The following PARD3 variants were observed in gnomAD, a reference collection of about 807,000 sequenced individuals.
PARD3 encodes partitioning defective 3 homolog.
PARD3 carries 75 observed loss-of-function variants against 155.4 expected under a neutral mutation model. The observed-to-expected ratio is 0.48, with a 90% CI of 0.40 to 0.58. The LOEUF (loss-of-function observed/expected upper bound fraction) is 0.58, where lower values mean the gene tolerates loss of function less well. PARD3 is among the 20% of genes least tolerant of loss of function. The pLI is 0.00. For synonymous variants in PARD3, 576 were observed against 610.5 expected (o/e 0.94, Z 0.83); for missense variants, 1,642 against 1,721.7 (o/e 0.95, Z 0.82).
rs866186622 is a variant in PARD3 at position 34,111,206 on chromosome 10, A to G, written c.4025T>C (p.Leu1342Pro). 5 of 1,592,088 alleles carry G rather than the reference A, an allele frequency of 3.1e-6. No homozygotes were observed. The highest frequency in any genetic ancestry group is 3.4e-4 in the Middle Eastern group (2 of 5,956). ...SPSQVARLNR[L>P]QTPEKGRPFY... ...GGGCCTCCCTTTCTCAGGAGTCTGAAGTCTGTTCAGCCTCGCAACCTGAGA... is the reference window on the plus strand; with the variant it reads ...GGGCCTCCCTTTCTCAGGAGTCTGAGGTCTGTTCAGCCTCGCAACCTGAGA... Residue 1342 changes from leucine (L) to proline (P), a missense_variant, in exon 25 of 25, where the codon CTT (leucine) becomes CCT (proline). This residue lies in a region of PARD3 where 1,529 missense variants were observed against 1,587.3 expected (regional missense o/e 0.96). Coordinates refer to ENST00000374788, the MANE Select transcript of PARD3 (RefSeq NM_001184785.2).
chr10:34,810,389 G>A (rs1401012183), intron 1 of PARD3, among the ~76,000 whole-genome samples: 1 of 152,010 alleles, frequency 6.6e-6, no homozygotes, highest in Non-Finnish European at 1.5e-5. Flanking sequence ...AAATACTTGT[G>A]TGGTCCCAAG....
intron 22 of PARD3, among the ~76,000 whole-genome samples, chr10:34,237,331 C>T (rs1368769541): frequency 6.6e-6 from 1 of 152,126 alleles, no homozygotes; most frequent in African/African-American, 2.4e-5. Context: ...CACATGGAGA[C>T]AAAGTGTTTG....
chr10:34,197,075 T>C (rs777076664), intron 22 of PARD3, among the ~76,000 whole-genome samples: 7 of 152,168 alleles, frequency 4.6e-5, no homozygotes, highest in Non-Finnish European at 8.8e-5. Context: ...ACACGAGCAA[T>C]GTTCAGCTCA....
intron 2 of PARD3, among the ~76,000 whole-genome samples, chr10:34,590,705 T>C (rs1375939053): frequency 2.0e-5 from 3 of 152,158 alleles, no homozygotes; most frequent in Non-Finnish European, 1.5e-5. Context: ...CTTCCTGGTG[T>C]ATAAAGAATC....
intron 22 of PARD3, among the ~76,000 whole-genome samples, chr10:34,182,139 G>C (rs1292727952): frequency 6.6e-6 from 1 of 152,172 alleles, no homozygotes; most frequent in Non-Finnish European, 1.5e-5. Context: ...TGCTTGTCTT[G>C]CTGGGAGGAG....
In PARD3 at chr10:34,764,878, T is replaced by C. The variant is rs78914102; in HGVS notation, c.120+49998A>G. Among the ~76,000 whole-genome samples, 445 of 152,300 alleles carry C rather than the reference T, an allele frequency of 2.9e-3. 1 individual carries two copies. Among genetic ancestry groups the C allele is most frequent in the African/African-American group, 0.01 (430 of 41,564 alleles). ...TTAGCCCAGCACACAGTGCTCAAAG[T>C]ACTGTTAAGATGAAAACATTTATCT... On this transcript the variant is annotated intron_variant, in intron 1 of 24. Coordinates refer to ENST00000374788, the MANE Select transcript of PARD3 (RefSeq NM_001184785.2).
At chr10:34,606,215 T>C (rs1013535022) in intron 2 of PARD3, among the ~76,000 whole-genome samples, 3 of 142,166 alleles carry the variant, frequency 2.1e-5, no homozygotes, top group African/African-American at 8.0e-5. Context: ...TGTGTGTAGT[T>C]CTGTCCCTTT....
intron 20 of PARD3, among the ~76,000 whole-genome samples, chr10:34,291,989 T>C (rs558278738): frequency 6.6e-6 from 1 of 152,316 alleles, no homozygotes; most frequent in South Asian, 2.1e-4. Context: ...GAAGGCAAGG[T>C]CAGGAACTGC....
At chr10:34,306,179 G>C (rs1215925794) in intron 20 of PARD3, among the ~76,000 whole-genome samples, 1 of 148,678 alleles carries the variant, frequency 6.7e-6, no homozygotes, top group African/African-American at 2.4e-5. Flanking sequence ...AGCTACTTGG[G>C]AGGCTGAGGG....
At position 34,750,494 on chromosome 10, in the gene PARD3, CACACACACACACACA is replaced by C. The variant is rs1835877946; in HGVS notation, c.121-54090_121-54076del. Among the ~76,000 whole-genome samples the C allele has an allele frequency of 6.1e-5, 9 of 147,874 alleles. No individual in the cohort carries two copies. The South Asian group carries it at 1.1e-3, about 17-fold the overall frequency. On this transcript the variant is annotated intron_variant, in intron 1 of 24. Coordinates refer to ENST00000374788, the MANE Select transcript of PARD3 (RefSeq NM_001184785.2). ...ACACACACACACACACACACACACA[CACACACACACACACA>C]CCCTAAGACTATAGAGGACAGGAAA...
intron 21 of PARD3, among the ~76,000 whole-genome samples, chr10:34,273,821 C>T (rs1013947757): frequency 6.6e-6 from 1 of 152,110 alleles, no homozygotes; most frequent in African/African-American, 2.4e-5. Flanking sequence ...TCACCATCAC[C>T]CCACTCTTGG....
At chr10:34,328,733 A>G (rs188249894) in intron 19 of PARD3, among the ~76,000 whole-genome samples, 74 of 152,338 alleles carry the variant, frequency 4.9e-4, no homozygotes, top group African/African-American at 1.6e-3. Context: ...AAAATCCCAA[A>G]TTACTTAGAA....
chr10:34,141,926 A>T (rs1483215072), intron 22 of PARD3, among the ~76,000 whole-genome samples: 6 of 152,218 alleles, frequency 3.9e-5, no homozygotes, highest in Non-Finnish European at 8.8e-5. Context: ...TGGGGCATCT[A>T]CTGAAAACTC....
At chr10:34,194,030 A>G (rs1258787330) in intron 22 of PARD3, among the ~76,000 whole-genome samples, 1 of 152,162 alleles carries the variant, frequency 6.6e-6, no homozygotes, top group Non-Finnish European at 1.5e-5. Context: ...CTCCAACATT[A>G]AAATTTTATC....
chr10:34,120,304 G>A lies in PARD3; in HGVS notation c.3541-564C>T, dbSNP rs574154948. On this transcript the variant is annotated intron_variant, in intron 23 of 24. Transcript: ENST00000374788. ...ACAGGTGTAAGCCACTAAACCCAGC[G>A]TCTAGTCTTTATAATGAGGCTTGGT... Among the ~76,000 whole-genome samples, 125 of 150,596 alleles carry A rather than the reference G, an allele frequency of 8.3e-4. 1 individual carries two copies. Among genetic ancestry groups the A allele is most frequent in the South Asian group, 5.7e-3 (27 of 4,750 alleles).
intron 7 of PARD3, among the ~76,000 whole-genome samples, chr10:34,396,291 A>G (rs975755048): frequency 2.0e-5 from 3 of 152,114 alleles, no homozygotes; most frequent in South Asian, 4.1e-4. Context: ...CGGAGGTTGC[A>G]GTGAGCCAGG....
chr10:34,310,104 T>A (rs1462533624), intron 20 of PARD3, among the ~76,000 whole-genome samples: 1 of 152,160 alleles, frequency 6.6e-6, no homozygotes, highest in East Asian at 1.9e-4. Context: ...ACAATTACCT[T>A]TATATACTAA....
At chr10:34,386,565 G>A (rs1373984920) in intron 7 of PARD3, among the ~76,000 whole-genome samples, 6 of 152,144 alleles carry the variant, frequency 3.9e-5, no homozygotes, top group African/African-American at 1.4e-4. Flanking sequence ...GTTCACGCCT[G>A]TAATCCCAGC....
chr10:34,223,681 T>C (rs1952436098), intron 22 of PARD3, among the ~76,000 whole-genome samples: 1 of 152,224 alleles, frequency 6.6e-6, no homozygotes, highest in Non-Finnish European at 1.5e-5. Context: ...CATAATCAAG[T>C]TCATGTCAGC....
Sources: allele counts gnomAD v4.1 joint callset (sites outside exome capture counted in the v4.1 genomes callset), GRCh38; gene constraint gnomAD v4.1.1; regional missense constraint gnomAD v4.1.1; transcripts MANE v1.5; gene names NCBI Gene and HGNC (gene_info 2026-07-23, HGNC 2026-07-21).